Variants in RHOH observed in about 807,000 individuals in gnomAD.
RHOH encodes the protein rho-related GTP-binding protein RhoH.
In RHOH, 6 loss-of-function variants were observed where a neutral mutation model predicts 13.8. That is an observed-to-expected ratio of 0.44 (90% CI 0.24 to 0.86). The LOEUF is 0.86. RHOH is among the 40% of genes least tolerant of loss of function. The pLI, the probability that RHOH is intolerant of heterozygous loss-of-function variation, is 0.24. For missense variants in RHOH, 147 were observed against 244.5 expected, an observed-to-expected ratio of 0.60 and a Z score of 2.66; for synonymous variants, 117 against 103.0, an observed-to-expected ratio of 1.14 and a Z score of -0.82.
At chr4:40,224,211 A>G (rs1726956976) in intron 1 of RHOH, among the ~76,000 whole-genome samples, 1 of 152,252 alleles carries the variant, frequency 6.6e-6, no homozygotes. Context: ...TTCCTGGGCA[A>G]TACGAACAGG....
chr4:40,202,992 G>C (rs1279092819), intron 1 of RHOH, among the ~76,000 whole-genome samples: 1 of 151,752 alleles, frequency 6.6e-6, no homozygotes, highest in African/African-American at 2.4e-5. Flanking sequence ...TATTTTTTGA[G>C]ATGGAGTCTC....
At chr4:40,219,821 G>T (rs959940502) in intron 1 of RHOH, among the ~76,000 whole-genome samples, 13 of 152,190 alleles carry the variant, frequency 8.5e-5, no homozygotes, top group African/African-American at 3.1e-4. Flanking sequence ...AAAGACCAGG[G>T]AGAGTGTCAG....
chr4:40,233,186 C>A (rs1047489127), intron 1 of RHOH, among the ~76,000 whole-genome samples: 2 of 152,118 alleles, frequency 1.3e-5, no homozygotes, highest in African/African-American at 4.8e-5. Flanking sequence ...CCATTTAATT[C>A]TGTACAACCA....
intron 1 of RHOH, among the ~76,000 whole-genome samples, chr4:40,220,378 A>AT (rs1048388591): frequency 6.6e-6 from 1 of 151,178 alleles, no homozygotes; most frequent in Admixed American, 6.6e-5. Context: ...TTAAATTTTA[A>AT]TTTTTTGCAG....
intron 1 of RHOH, among the ~76,000 whole-genome samples, chr4:40,236,507 C>A (rs896916405): frequency 6.6e-6 from 1 of 152,056 alleles, no homozygotes; most frequent in African/African-American, 2.4e-5. Context: ...AAGTAACTTA[C>A]CGGCTGGCTG....
intron 1 of RHOH, among the ~76,000 whole-genome samples, chr4:40,220,426 T>C (rs1726414825): frequency 6.6e-6 from 1 of 152,170 alleles, no homozygotes; most frequent in South Asian, 2.1e-4. Context: ...ACGCAGAACA[T>C]TGCGTCTCCT....
At position 40,197,285 on chromosome 4, in the gene RHOH, C is replaced by T. The variant is rs2276894; in HGVS notation, c.-346C>T. The T allele has an allele frequency of 2.6e-5, 4 of 152,160 alleles. No homozygotes were observed. The highest frequency in any genetic ancestry group is 6.5e-5 in the Admixed American group (1 of 15,274). 9.4% of individuals were successfully genotyped at this position (152,160 alleles called of 1,614,324 possible). On this transcript the variant is annotated 5_prime_UTR_variant, in exon 1 of 3. Coordinates refer to ENST00000381799, the MANE Select transcript of RHOH (RefSeq NM_004310.5). ...TCATTTTACTGTCAAGACATTTCTT[C>T]GGCATTCTGCAACAGGTAAGGATTT...
chr4:40,191,918 C>T (rs1320213), upstream of RHOH, among the ~76,000 whole-genome samples: 126,128 of 151,366 alleles, frequency 0.83, 53,338 homozygotes, highest in East Asian at 1. Flanking sequence ...AATGCTATTA[C>T]CTGGTTAGGG....
At chr4:40,237,786 A>C (rs960064362) in intron 1 of RHOH, among the ~76,000 whole-genome samples, 1 of 152,190 alleles carries the variant, frequency 6.6e-6, no homozygotes, top group African/African-American at 2.4e-5. Context: ...CGATGGACTC[A>C]TATTTTTAAA....
chr4:40,201,698 T>G (rs1446336272), intron 1 of RHOH, among the ~76,000 whole-genome samples: 1 of 152,130 alleles, frequency 6.6e-6, no homozygotes, highest in Non-Finnish European at 1.5e-5. Context: ...GTTAAACGTT[T>G]ACTAGCATGC....
At position 40,218,043 on chromosome 4, in the gene RHOH, G is replaced by A. The variant is rs992834515; in HGVS notation, c.-331+20743G>A. 6.6e-6 allele frequency: 1 copy of A among 152,164 alleles called. No homozygotes were observed. Among genetic ancestry groups the A allele is most frequent in the African/African-American group, 2.4e-5 (1 of 41,418 alleles). The allele number at this position is 152,164 out of a possible 1,614,324, so 9.4% of individuals were successfully genotyped here. Reference sequence around the variant, plus strand: ...GTCCATGATATTTGACTGTTTTAAGGTATGGAGTGCTTTGTACAAGGTACA... The same window carrying A: ...GTCCATGATATTTGACTGTTTTAAGATATGGAGTGCTTTGTACAAGGTACA... On this transcript the variant is annotated intron_variant, in intron 1 of 2. Coordinates refer to ENST00000381799, the MANE Select transcript of RHOH (RefSeq NM_004310.5). The surrounding 1 kb of genome is among the most constrained non-coding windows in gnomAD (Gnocchi z 4.1).
In RHOH at chr4:40,207,577, A is replaced by C. The variant is rs1724791287; in HGVS notation, c.-331+10277A>C. On this transcript the variant is annotated intron_variant, in intron 1 of 2. Transcript: ENST00000381799. ...GATTTCCCCAAGTACTACCCACTTA[A>C]TATGTCACCAGGAAAGACCCATCAC... Among the ~76,000 whole-genome samples, 3 of 152,228 alleles carry C rather than the reference A, an allele frequency of 2.0e-5. No homozygotes were observed. The East Asian group carries it at 5.8e-4, about 29-fold the overall frequency.
chr4:40,206,074 T>C (rs917488742), intron 1 of RHOH, among the ~76,000 whole-genome samples: 1 of 152,248 alleles, frequency 6.6e-6, no homozygotes. Flanking sequence ...CACCAAAGGC[T>C]GGTAGCAAAG....
At chr4:40,227,239 ATCTT>A (rs1051989915) in intron 1 of RHOH, among the ~76,000 whole-genome samples, 23 of 152,214 alleles carry the variant, frequency 1.5e-4, no homozygotes, top group African/African-American at 5.5e-4. Flanking sequence ...ACACAATAAA[ATCTT>A]TCTGTGGGAA....
At chr4:40,201,336 G>A (rs1723958058) in intron 1 of RHOH, among the ~76,000 whole-genome samples, 1 of 151,202 alleles carries the variant, frequency 6.6e-6, no homozygotes, top group African/African-American at 2.4e-5. Context: ...CACACAGATG[G>A]GAACAGGGTG....
chr4:40,226,081 G>C (rs905470183), intron 1 of RHOH, among the ~76,000 whole-genome samples: 1 of 152,144 alleles, frequency 6.6e-6, no homozygotes, highest in Non-Finnish European at 1.5e-5. Context: ...TCTGCTAAGG[G>C]CCAGGCATTC....
At chr4:40,207,343 C>T (rs555825371) in intron 1 of RHOH, among the ~76,000 whole-genome samples, 103 of 152,184 alleles carry the variant, frequency 6.8e-4, no homozygotes, top group Middle Eastern at 3.4e-3. Context: ...TAACAAAAGG[C>T]AACTATGAGT....
At chr4:40,223,766 TG>T (rs368598911) in intron 1 of RHOH, among the ~76,000 whole-genome samples, 58 of 122,102 alleles carry the variant, frequency 4.8e-4, no homozygotes, top group African/African-American at 1.6e-3. Context: ...AAACATAACT[TG>T]TTTTTTTTTT....
chr4:40,241,064 C>A (rs1990175044), intron 1 of RHOH, among the ~76,000 whole-genome samples: 1 of 152,152 alleles, frequency 6.6e-6, no homozygotes, highest in Non-Finnish European at 1.5e-5. Flanking sequence ...GGTCTTGGCT[C>A]TGGACTAAGT....
Sources: allele counts gnomAD v4.1 joint callset (sites outside exome capture counted in the v4.1 genomes callset), GRCh38; gene constraint gnomAD v4.1.1; non-coding constraint Gnocchi (gnomAD v3.1); transcripts MANE v1.5; gene names NCBI Gene and HGNC (gene_info 2026-07-23, HGNC 2026-07-21).